Variants in FAAP100 observed in about 807,000 individuals in gnomAD.
FAAP100 encodes the protein Fanconi anemia core complex-associated protein 100.
FAAP100 carries 46 observed loss-of-function variants against 65.8 expected under a neutral mutation model. The ratio of observed to expected loss-of-function variants is 0.70; its 90% CI spans 0.55 to 0.89. The LOEUF (loss-of-function observed/expected upper bound fraction) is 0.89. FAAP100 is among the 40% of genes least tolerant of loss of function. FAAP100 has a pLI of 0.00. For synonymous variants in FAAP100, 663 were observed against 555.1 expected, an observed-to-expected ratio of 1.19 and a Z score of -2.73; for missense variants, 1,165 against 1,196.7, an observed-to-expected ratio of 0.97 and a Z score of 0.39.
At chr17:81,551,263 C>T (rs1830115136) in intron 2 of FAAP100, 60 bp from the exon 3 acceptor site, 1 of 1,436,548 alleles carries the variant, frequency 7.0e-7, no homozygotes, top group Non-Finnish European at 9.3e-7. Flanking sequence ...ACGTTCTCTT[C>T]ACAATAACCT....
In FAAP100 at chr17:81,550,573, C is replaced by G. The variant is rs373684364; in HGVS notation, c.921G>C (p.Val307=). Residue 307 remains valine (V), a synonymous_variant, in exon 3 of 9, where the codon GTG becomes GTC. Transcript: ENST00000327787. ...AAENFLPDED[V]HCDCLVAFGH... ...CAAAGGCCACCAGGCAGTCACAGTGCACATCCTCGTCAGGCAGAAAATTCT... is the reference window on the plus strand; with the variant it reads ...CAAAGGCCACCAGGCAGTCACAGTGGACATCCTCGTCAGGCAGAAAATTCT... 6.8e-6 allele frequency: 11 copies of G among 1,612,946 alleles called. No individual in the cohort carries two copies. Among genetic ancestry groups the G allele is most frequent in the African/African-American group, 1.3e-5 (1 of 75,076 alleles).
In FAAP100 at chr17:81,546,937, G is replaced by C; in HGVS notation, c.2145C>G (p.Leu715=). The C allele has an allele frequency of 1.4e-6, 2 of 1,450,928 alleles. 1 individual carries two copies. Among genetic ancestry groups the C allele is most frequent in the South Asian group, 3.0e-5 (2 of 66,872 alleles). The allele number at this position is 1,450,928 out of a possible 1,614,324, so 89.9% of individuals were successfully genotyped here. A position where few individuals can be genotyped will look rare whatever the true frequency, so the allele number is the denominator to read the frequency against. ...AGTGGCCGTCCTTCAAGGCAGCTCT[G>C]AGCAGCTCCGCCGACACCTTGATGG... is the stretch of plus-strand genomic sequence containing the variant. ...VASIKVSAEL[L]RAALKDGHSG... Residue 715 remains leucine, a synonymous_variant, in exon 5 of 9, where the codon CTC becomes CTG. Coordinates refer to ENST00000327787, the MANE Select transcript of FAAP100 (RefSeq NM_025161.6).
At position 81,549,423 on chromosome 17, in the gene FAAP100, C is replaced by T. The variant is rs926763232; in HGVS notation, c.1247-61G>A. 1,027 of 1,547,712 alleles carry T rather than the reference C, an allele frequency of 6.6e-4. 2 individuals carry two copies. The highest frequency in any genetic ancestry group is 2.3e-3 in the South Asian group (195 of 86,646). The stretch of plus-strand genomic sequence containing the variant: ...TGGGAGGGGCAAGCAGCATGACACT[C>T]GGTGGTGTTTCCCTGGACTCCAGGA... On this transcript the variant is annotated intron_variant, in intron 3 of 8. Transcript: ENST00000327787.
rs1407906048 is a variant in FAAP100 at position 81,551,016 on chromosome 17, G to T, written c.478C>A (p.Pro160Thr). ...CCTCCTGGCCGGGGGTCCTCCCCAG[G>T]ACAGGGCTGCTCAAACAGCTGCATC... is the stretch of plus-strand genomic sequence containing the variant. ...WKMQLFEQPC[P>T]GEDPRPGGQI... Residue 160 changes from proline to threonine, a missense_variant, in exon 3 of 9, where the codon CCT becomes ACT. Physicochemically the swap from Pro to Thr is conservative, Grantham distance 38 (BLOSUM62 -1). Transcript: ENST00000327787. 1.2e-6 allele frequency: 2 copies of T among 1,611,378 alleles called. No homozygotes were observed. The highest frequency in any genetic ancestry group is 4.5e-5 in the East Asian group (2 of 44,834).
chr17:81,551,156 G>T lies in FAAP100; in HGVS notation c.338C>A (p.Ser113Tyr). 1.3e-6 allele frequency: 2 copies of T among 1,544,604 alleles called. No individual in the cohort carries two copies. The highest frequency in any genetic ancestry group is 1.8e-6 in the Non-Finnish European group (2 of 1,142,598). ...ATCGGGGTCCACAGGGATCACGGGG[G>T]AAGGCTGGTCACCGTCCTCGCTGTC... ...DRDSEDGDQP[S>Y]PVIPVDPDAC... The change falls in exon 3 of 9, where the codon TCC becomes TAC. Residue 113 changes from serine to tyrosine, a missense_variant. Transcript: ENST00000327787.
Position 81,541,292 on chromosome 17 carries a change from G to A in FAAP100, c.2514+17C>T. 6.2e-7 allele frequency: 1 copy of A among 1,605,448 alleles called. No individual in the cohort carries two copies. The highest frequency in any genetic ancestry group is 8.5e-7 in the Non-Finnish European group (1 of 1,175,922). On this transcript the variant is annotated intron_variant, in intron 8 of 8. Coordinates refer to ENST00000327787, the MANE Select transcript of FAAP100 (RefSeq NM_025161.6). The stretch of plus-strand genomic sequence containing the variant: ...CTACCCAGGGGAAGGGGACTGCCCG[G>A]GGAACCGGGTGCTCACCTCGTGGTT...
At chr17:81,549,126 C>G in intron 4 of FAAP100, 80 bp downstream of exon 4, 1 of 1,550,050 alleles carries the variant, frequency 6.5e-7, no homozygotes, top group East Asian at 2.3e-5. Flanking sequence ...ACACTCACAC[C>G]CAGGACGACC....
Position 81,550,669 on chromosome 17 carries a change from G to C in FAAP100, c.825C>G (p.Leu275=), listed in dbSNP as rs2033457208. ...PGDPNALVKI[L]HHLEEPVIFI... is the part of the protein sequence containing the mutation. ...AGATGACGGGCTCCTCCAGGTGATG[G>C]AGGATCTTGACAAGGGCATTTGGGT... Residue 275 remains leucine (L), a synonymous_variant, in exon 3 of 9, where the codon CTC becomes CTG. Coordinates refer to ENST00000327787, the MANE Select transcript of FAAP100 (RefSeq NM_025161.6). The C allele has an allele frequency of 6.2e-7, 1 of 1,613,074 alleles. No individual in the cohort carries two copies.
At chr17:81,548,272 C>A in intron 4 of FAAP100, 1 of 501,896 alleles carries the variant, frequency 2.0e-6, no homozygotes, top group African/African-American at 1.9e-5. Flanking sequence ...GAAAAGCACA[C>A]TGGATCCTGT....
chr17:81,541,246 C>A, intron 8 of FAAP100, 63 bp downstream of exon 8: 1 of 1,495,132 alleles, frequency 6.7e-7, no homozygotes, highest in South Asian at 1.2e-5. Context: ...TAGAGGGGGG[C>A]CTGGCGATGG....
chr17:81,550,852 G>T lies in FAAP100; in HGVS notation c.642C>A (p.Gly214=). The stretch of plus-strand genomic sequence containing the variant: ...CGTCCTCCAGCGTGAAGCCCCCGGA[G>T]CCCCCGAGGAGGTCGTGCGGGACCC... The part of the protein sequence containing the change: ...GSRVPHDLLG[G]SGGFTLEDAL... The change falls in exon 3 of 9, where the codon GGC becomes GGA. Residue 214 remains glycine (G), a synonymous_variant. Coordinates refer to ENST00000327787, the MANE Select transcript of FAAP100 (RefSeq NM_025161.6). 6.2e-7 allele frequency: 1 copy of T among 1,612,154 alleles called. No homozygotes were observed. The highest frequency in any genetic ancestry group is 8.5e-7 in the Non-Finnish European group (1 of 1,179,628).
Position 81,547,556 on chromosome 17 carries a change from G to T in FAAP100, c.1526C>A (p.Thr509Asn), listed in dbSNP as rs1027858595. The T allele has an allele frequency of 1.9e-6, 3 of 1,613,414 alleles. No individual in the cohort carries two copies. Among genetic ancestry groups the T allele is most frequent in the Admixed American group, 3.3e-5 (2 of 60,034 alleles). Residue 509 changes from threonine to asparagine, a missense_variant, in exon 5 of 9, where the codon ACC becomes AAC. Transcript: ENST00000327787. ...CAGGCGGCTCCAGGTGGTGCTGGTGGTGCAGGAGATGGGTCTGGGGCCCGT... is the reference window on the plus strand; with the variant it reads ...CAGGCGGCTCCAGGTGGTGCTGGTGTTGCAGGAGATGGGTCTGGGGCCCGT... ...SGTGPRPISC[T>N]TSTTWSRLQT...
At position 81,541,248 on chromosome 17, in the gene FAAP100, T is replaced by G. The variant is rs115362207; in HGVS notation, c.2514+61A>C. 5,143 of 1,508,360 alleles carry G rather than the reference T, an allele frequency of 3.4e-3. 151 individuals carry two copies. The African/African-American group carries it at 0.062, about 18-fold the overall frequency. The allele number at this position is 1,508,360 out of a possible 1,614,324, so 93.4% of individuals were successfully genotyped here. The stretch of plus-strand genomic sequence containing the variant: ...GACCCCGAGTGACTAGAGGGGGGCC[T>G]GGCGATGGGCGCTCCTGGCTACCCA... On this transcript the variant is annotated intron_variant, in intron 8 of 8. Coordinates refer to ENST00000327787, the MANE Select transcript of FAAP100 (RefSeq NM_025161.6).
Position 81,552,011 on chromosome 17 carries a change from C to T in FAAP100, c.207G>A (p.Leu69=). ...CGTACAGCAACCTGCGCGGCGCCAG[C>T]AGCTCCAGGTGCCACACCTGGTCGG... The part of the protein sequence containing the change: ...RFPDQVWHLE[L]LAPRRLLYAL... The change falls in exon 2 of 9, where the codon CTG becomes CTA. Residue 69 remains leucine (L), a synonymous_variant. Transcript: ENST00000327787. The T allele has an allele frequency of 1.9e-6, 3 of 1,564,652 alleles. No homozygotes were observed. Among genetic ancestry groups the T allele is most frequent in the Non-Finnish European group, 2.6e-6 (3 of 1,165,048 alleles).
upstream of FAAP100, among the ~76,000 whole-genome samples, chr17:81,552,657 G>A (rs1220168831): frequency 6.6e-6 from 1 of 152,212 alleles, no homozygotes; most frequent in African/African-American, 2.4e-5. Context: ...GGTCCTGGCC[G>A]AGCAGAGGTT....
chr17:81,550,478 C>T lies in FAAP100; in HGVS notation c.1016G>A (p.Arg339Gln), dbSNP rs566124890. Residue 339 changes from arginine (R) to glutamine (Q), a missense_variant, in exon 3 of 9, where the codon CGG becomes CAG. Arg to Gln is a conservative substitution (Grantham distance 43, BLOSUM62 1). Transcript: ENST00000327787. ...DESGKLVPEL[R>Q]EYCLPGPVLC... ...CACAGGGCCTGGGAGGCAGTACTCC[C>T]GCAGCTCGGGCACCAGCTTCCCGGA... 7.3e-5 allele frequency: 117 copies of T among 1,612,542 alleles called. No homozygotes were observed. The highest frequency in any genetic ancestry group is 2.2e-5 in the South Asian group (2 of 91,070).
At chr17:81,541,610 T>C (rs942544583) in intron 7 of FAAP100, among the ~76,000 whole-genome samples, 1 of 152,208 alleles carries the variant, frequency 6.6e-6, no homozygotes, top group Non-Finnish European at 1.5e-5. Context: ...GCCTGACAGT[T>C]TCTTGGAAGC....
chr17:81,547,695 T>A lies in FAAP100; in HGVS notation c.1404-17A>T. 1 of 1,606,658 alleles carries A rather than the reference T, an allele frequency of 6.2e-7. No individual in the cohort carries two copies. The highest frequency in any genetic ancestry group is 8.5e-7 in the Non-Finnish European group (1 of 1,176,746). ...AAAGACACTCTGCGAAGGACAGACA[T>A]GACCCCCGGGAGCGGGGGGACACCC... is the stretch of plus-strand genomic sequence containing the variant. On this transcript the variant is annotated splice_polypyrimidine_tract_variant and intron_variant, in intron 4 of 8. Transcript: ENST00000327787.
In FAAP100 at chr17:81,550,281, C is replaced by A. The variant is rs139195489; in HGVS notation, c.1213G>T (p.Val405Phe). ...CPASLNICSV[V>F]SLSASPRTHE... ...GTCCTGGGAGACGCGGACAGCGAGA[C>A]GACACTGCAGATGTTCAGGCTGGCT... is the stretch of plus-strand genomic sequence containing the variant. The change falls in exon 3 of 9, where the codon GTC (valine) becomes TTC (phenylalanine). Residue 405 changes from valine to phenylalanine, a missense_variant. Transcript: ENST00000327787. 2.5e-6 allele frequency: 4 copies of A among 1,609,306 alleles called. No homozygotes were observed. Among genetic ancestry groups the A allele is most frequent in the Non-Finnish European group, 3.4e-6 (4 of 1,177,978 alleles).
Sources: allele counts gnomAD v4.1 joint callset (sites outside exome capture counted in the v4.1 genomes callset), GRCh38; gene constraint gnomAD v4.1.1; transcripts MANE v1.5; gene names NCBI Gene and HGNC (gene_info 2026-07-23, HGNC 2026-07-21).